The following SALL3 variants were observed in gnomAD, a reference collection of about 807,000 sequenced individuals.
SALL3 encodes the protein sal-like protein 3.
In SALL3, 25 loss-of-function variants were observed where a neutral mutation model predicts 66.2. That is an observed-to-expected ratio of 0.38 (90% CI 0.28 to 0.53). SALL3 has a LOEUF of 0.53. SALL3 is among the 20% of genes least tolerant of loss of function. The pLI, the probability that SALL3 is intolerant of heterozygous loss-of-function variation, is 0.85. For missense variants in SALL3, 2,194 were observed against 1,916.5 expected (o/e 1.14, Z -2.70); for synonymous variants, 1,152 against 899.1 (o/e 1.28, Z -5.03).
chr18:78,983,202 C>G (rs1461699956), intron 1 of SALL3, among the ~76,000 whole-genome samples: 1 of 152,170 alleles, frequency 6.6e-6, no homozygotes, highest in African/African-American at 2.4e-5. Flanking sequence ...TGCAAATGAT[C>G]TCATTCCTAT....
Position 78,997,417 on chromosome 18 carries a change from C to A in SALL3, c.*95C>A. The A allele has an allele frequency of 1.6e-6, 2 of 1,279,478 alleles. No individual in the cohort carries two copies. The highest frequency in any genetic ancestry group is 2.2e-6 in the Non-Finnish European group (2 of 906,646). The allele number at this position is 1,279,478 out of a possible 1,614,324, so 79.3% of individuals were successfully genotyped here. On this transcript the variant is annotated 3_prime_UTR_variant, in exon 3 of 3. Transcript: ENST00000537592. The stretch of plus-strand genomic sequence containing the variant: ...CTTGCCTCGGTTCTCATTACACTTT[C>A]ACCCATAGCAGAAAACACTTTGTGC...
chr18:78,984,625 TAAAA>T (rs34822006), intron 1 of SALL3, among the ~76,000 whole-genome samples: 1 of 147,828 alleles, frequency 6.8e-6, no homozygotes, highest in African/African-American at 2.5e-5. Flanking sequence ...AACTTTTATT[TAAAA>T]AAAAAAACCT....
chr18:78,985,424 C>T (rs1288416695), intron 1 of SALL3, among the ~76,000 whole-genome samples: 1 of 152,204 alleles, frequency 6.6e-6, no homozygotes, highest in African/African-American at 2.4e-5. Flanking sequence ...CGTGATTCGT[C>T]GGCGTTACTG....
rs1159696825 is a variant in SALL3 at position 78,992,840 on chromosome 18, G to A, written c.849G>A (p.Pro283=). Residue 283 remains proline, a synonymous_variant, in exon 2 of 3, where the codon CCG becomes CCA. Transcript: ENST00000537592. Reference sequence around the variant, plus strand: ...TCGCGGGCTCGGGCCCCGCCGCCCCGGCCGCCTTCGAGGGCGCGCAGCCGC... The same window carrying A: ...TCGCGGGCTCGGGCCCCGCCGCCCCAGCCGCCTTCGAGGGCGCGCAGCCGC... ...AAIAGSGPAA[P]AAFEGAQPLS... is the part of the protein sequence containing the mutation. The A allele has an allele frequency of 4.1e-6, 4 of 979,328 alleles. No individual in the cohort carries two copies. The highest frequency in any genetic ancestry group is 4.6e-5 in the South Asian group (1 of 21,620). 60.7% of individuals were successfully genotyped at this position (979,328 alleles called of 1,614,324 possible).
At chr18:78,990,127 T>G (rs1284139629) in intron 1 of SALL3, among the ~76,000 whole-genome samples, 1 of 152,212 alleles carries the variant, frequency 6.6e-6, no homozygotes, top group South Asian at 2.1e-4. Flanking sequence ...TTTGCATACA[T>G]TGAGCAAAGT....
intron 1 of SALL3, among the ~76,000 whole-genome samples, chr18:78,987,593 CTA>C (rs1471492509): frequency 6.6e-6 from 1 of 152,046 alleles, no homozygotes; most frequent in African/African-American, 2.4e-5. Context: ...GAAAAAAAAA[CTA>C]TATTTTTATC....
Position 78,994,341 on chromosome 18 carries a change from G to C in SALL3, c.2350G>C (p.Ala784Pro). 4 of 1,613,612 alleles carry C rather than the reference G, an allele frequency of 2.5e-6. No individual in the cohort carries two copies. The highest frequency in any genetic ancestry group is 3.4e-6 in the Non-Finnish European group (4 of 1,180,022). Residue 784 changes from alanine (A) to proline (P), a missense_variant, in exon 2 of 3, where the codon GCC (alanine) becomes CCC (proline). Transcript: ENST00000537592. ...GFQDAMDSEL[A>P]YDDKNAETLS... ...CCAGGATGCCATGGACTCCGAGCTG[G>C]CCTACGACGACAAGAACGCGGAGAC...
chr18:78,982,887 C>T (rs539265419), intron 1 of SALL3, among the ~76,000 whole-genome samples: 10 of 152,142 alleles, frequency 6.6e-5, no homozygotes, highest in Non-Finnish European at 1.3e-4. Flanking sequence ...TCCTGCAGAA[C>T]AAATATTCTA....
In SALL3 at chr18:78,996,858, C is replaced by T. The variant is rs369105502; in HGVS notation, c.3472-33C>T. 1.3e-5 allele frequency: 21 copies of T among 1,566,968 alleles called. No individual in the cohort carries two copies. In the African/African-American group the frequency reaches 2.6e-4, roughly 19 times the overall value. On this transcript the variant is annotated intron_variant, in intron 2 of 2. Coordinates refer to ENST00000537592, the MANE Select transcript of SALL3 (RefSeq NM_171999.4). Reference sequence around the variant, plus strand: ...GCAGCTCTGCCTCCGTGTCTAGGCACTTACTCGTGGGCTGTCTCCGTGTCT... The same window carrying T: ...GCAGCTCTGCCTCCGTGTCTAGGCATTTACTCGTGGGCTGTCTCCGTGTCT...
Position 78,992,777 on chromosome 18 carries a change from C to G in SALL3, c.786C>G (p.Ala262=). Residue 262 remains alanine, a synonymous_variant, in exon 2 of 3, where the codon GCC becomes GCG. Coordinates refer to ENST00000537592, the MANE Select transcript of SALL3 (RefSeq NM_171999.4). ...GPAPSQLPGL[A]ALPLSAGAPA... ...CCCCCAGCCAGCTGCCCGGGCTGGC[C>G]GCGCTCCCGCTGTCGGCCGGGGCCC... is the stretch of plus-strand genomic sequence containing the variant. 3.0e-6 allele frequency: 3 copies of G among 1,015,766 alleles called. No individual in the cohort carries two copies. The highest frequency in any genetic ancestry group is 3.5e-6 in the Non-Finnish European group (3 of 850,612). 62.9% of individuals were successfully genotyped at this position (1,015,766 alleles called of 1,614,324 possible).
intron 1 of SALL3, among the ~76,000 whole-genome samples, chr18:78,985,644 C>T (rs753598137): frequency 1.4e-4 from 21 of 152,296 alleles, no homozygotes; most frequent in Admixed American, 2.0e-4. Flanking sequence ...CGAGTGTGAG[C>T]GGGCTGATGG....
chr18:78,986,724 TAAC>T (rs1283190486), intron 1 of SALL3, among the ~76,000 whole-genome samples: 3 of 152,238 alleles, frequency 2.0e-5, no homozygotes, highest in Non-Finnish European at 1.5e-5. Context: ...GTGGATAAGT[TAAC>T]AACCCTTTCC....
At position 78,992,560 on chromosome 18, in the gene SALL3, G is replaced by A. The variant is rs535215934; in HGVS notation, c.569G>A (p.Gly190Asp). 4.0e-6 allele frequency: 6 copies of A among 1,502,576 alleles called. No homozygotes were observed. The highest frequency in any genetic ancestry group is 2.7e-5 in the East Asian group (1 of 36,584). The allele number at this position is 1,502,576 out of a possible 1,614,324, so 93.1% of individuals were successfully genotyped here. Residue 190 changes from glycine to aspartate, a missense_variant, in exon 2 of 3, where the codon GGC (glycine) becomes GAC (aspartate). Physicochemically the swap from Gly to Asp is moderately conservative, Grantham distance 94. Coordinates refer to ENST00000537592, the MANE Select transcript of SALL3 (RefSeq NM_171999.4). ...QFSQGARAAG[G>D]SGAGGGVAAA... ...TCGCAGGGCGCGCGCGCGGCAGGCGGCTCGGGAGCAGGTGGAGGCGTGGCA... is the reference window on the plus strand; with the variant it reads ...TCGCAGGGCGCGCGCGCGGCAGGCGACTCGGGAGCAGGTGGAGGCGTGGCA...
Position 78,992,245 on chromosome 18 carries a change from A to ACGCGCC in SALL3, c.261_266dup (p.Ala88_Pro89dup). Reference sequence around the variant, plus strand: ...CCGCCCGTGCTGATCGTGCACGAGGACGCGCCCGCGCCGCCCCCCGAGGAC... The same window carrying ACGCGCC: ...CCGCCCGTGCTGATCGTGCACGAGGACGCGCCCGCGCCCGCGCCGCCCCCCGAGGAC... On this transcript the variant is annotated inframe_insertion, in exon 2 of 3. Coordinates refer to ENST00000537592, the MANE Select transcript of SALL3 (RefSeq NM_171999.4). 1.2e-5 allele frequency: 19 copies of ACGCGCC among 1,588,382 alleles called. No homozygotes were observed. Among genetic ancestry groups the ACGCGCC allele is most frequent in the Non-Finnish European group, 1.6e-5 (19 of 1,171,728 alleles).
chr18:78,992,028 A>C lies in SALL3; in HGVS notation c.83-46A>C, dbSNP rs750355647. On this transcript the variant is annotated intron_variant, in intron 1 of 2. Transcript: ENST00000537592. ...TTACTCGTGCAAAATTTTGAGACGG[A>C]GGGCGGGCGCCGAGCCCCGGCTGAC... 45 of 1,370,206 alleles carry C rather than the reference A, an allele frequency of 3.3e-5. No individual in the cohort carries two copies. In the South Asian group the frequency reaches 3.7e-4, roughly 11 times the overall value. The allele number at this position is 1,370,206 out of a possible 1,614,324, so 84.9% of individuals were successfully genotyped here. A position where few individuals can be genotyped will look rare whatever the true frequency, so the allele number is the denominator to read the frequency against.
chr18:78,996,418 C>T (rs575246016), intron 2 of SALL3, among the ~76,000 whole-genome samples: 2 of 152,354 alleles, frequency 1.3e-5, no homozygotes, highest in African/African-American at 4.8e-5. Flanking sequence ...GGCCTGCTGG[C>T]AGGTGGCCCT....
Position 78,994,148 on chromosome 18 carries a change from G to C in SALL3, c.2157G>C (p.Lys719Asn), listed in dbSNP as rs143605568. The C allele has an allele frequency of 6.2e-7, 1 of 1,613,084 alleles. No individual in the cohort carries two copies. Among genetic ancestry groups the C allele is most frequent in the Non-Finnish European group, 8.5e-7 (1 of 1,180,004 alleles). The change falls in exon 2 of 3, where the codon AAG becomes AAC. Residue 719 changes from lysine to asparagine, a missense_variant. Lys to Asn is a moderately conservative substitution (Grantham distance 94, BLOSUM62 0). Coordinates refer to ENST00000537592, the MANE Select transcript of SALL3 (RefSeq NM_171999.4). ...TCTGCGGCCGCGCCTTCACCACCAA[G>C]GGCAACCTCAAGACGCACTTCGGCG... Reference protein sequence around the residue: ...CKICGRAFTTKGNLKTHFGVH... With the variant: ...CKICGRAFTTNGNLKTHFGVH...
chr18:78,983,712 C>T (rs1192673119), intron 1 of SALL3, among the ~76,000 whole-genome samples: 1 of 152,080 alleles, frequency 6.6e-6, no homozygotes, highest in Non-Finnish European at 1.5e-5. Flanking sequence ...TCAGTGCTCC[C>T]CCAGCACACT....
In SALL3 at chr18:78,995,278, C is replaced by A. The variant is rs765022430; in HGVS notation, c.3287C>A (p.Pro1096Gln). The A allele has an allele frequency of 6.3e-7, 1 of 1,586,240 alleles. No individual in the cohort carries two copies. The highest frequency in any genetic ancestry group is 8.5e-7 in the Non-Finnish European group (1 of 1,171,510). ...GCCGGGCCTCAGACAGTGATGGGCC[C>A]GGGCCTGGCGCCCATGCTGGCCCCC... ...VPAGPQTVMG[P>Q]GLAPMLAPPP... Residue 1096 changes from proline to glutamine, a missense_variant, in exon 2 of 3, where the codon CCG becomes CAG. Transcript: ENST00000537592.
Sources: gnomAD v4.1 joint callset for allele counts (sites outside exome capture counted in the v4.1 genomes callset) on GRCh38, gnomAD v4.1.1 for gene constraint, MANE v1.5 for transcripts, NCBI Gene and HGNC (gene_info 2026-07-23, HGNC 2026-07-21) for gene names.